WNT7B: variants seen among roughly 807,000 people sequenced by gnomAD.
WNT7B encodes protein Wnt-7b.
In WNT7B, 19 loss-of-function variants were observed where a neutral mutation model predicts 38.2. The observed-to-expected ratio is 0.50, with a 90% CI of 0.35 to 0.73. WNT7B has a LOEUF of 0.73. Ranked by LOEUF, WNT7B falls within the 30% of genes least tolerant of loss-of-function variation. The probability of loss-of-function intolerance (pLI) is 0.01; values close to 1 mark genes in which losing one functional copy is unlikely to be tolerated. For missense variants in WNT7B, 423 were observed against 507.9 expected, an observed-to-expected ratio of 0.83 and a Z score of 1.61; for synonymous variants, 243 against 209.3, an observed-to-expected ratio of 1.16 and a Z score of -1.39.
Position 45,931,007 on chromosome 22 carries a change from T to C in WNT7B, c.570+91A>G, listed in dbSNP as rs961845038. 4 of 1,448,816 alleles carry C rather than the reference T, an allele frequency of 2.8e-6. No individual in the cohort carries two copies. The African/African-American group carries it at 5.7e-5, about 21-fold the overall frequency. 89.7% of individuals were successfully genotyped at this position (1,448,816 alleles called of 1,614,324 possible). ...GCACACCTACGGAGACTCAACTGCT[T>C]CTGCTAGAAGAGGAGCCTGAGGCTC... On this transcript the variant is annotated intron_variant, in intron 3 of 3. Transcript: ENST00000339464.
chr22:45,941,846 G>A (rs1440755767), intron 2 of WNT7B, among the ~76,000 whole-genome samples: 2 of 151,924 alleles, frequency 1.3e-5, no homozygotes, highest in African/African-American at 4.8e-5. Context: ...GAGGCCTGGT[G>A]TCGTGGGTTC....
At chr22:45,931,029 G>A in intron 3 of WNT7B, 69 bp downstream of exon 3, 1 of 1,483,714 alleles carries the variant, frequency 6.7e-7, no homozygotes, top group African/African-American at 1.4e-5. Flanking sequence ...GGAGCCTGAG[G>A]CTCCGAGAGG....
At chr22:45,935,999 G>C (rs150798860) in intron 2 of WNT7B, 73 of 985,382 alleles carry the variant, frequency 7.4e-5, no homozygotes, top group Non-Finnish European at 8.6e-5. Flanking sequence ...GCACAGGTCT[G>C]TACCCCCAGA....
intron 1 of WNT7B, among the ~76,000 whole-genome samples, chr22:45,958,305 A>G (rs1029423584): frequency 7.9e-5 from 12 of 152,274 alleles, no homozygotes; most frequent in East Asian, 5.8e-4. Flanking sequence ...GTGACCTGTC[A>G]TCTTACTCTT....
chr22:45,972,218 C>T, intron 1 of WNT7B: 2 of 648,760 alleles, frequency 3.1e-6, no homozygotes, highest in African/African-American at 1.9e-5. Context: ...GAGCGCGCTG[C>T]GCGGCGACAG....
chr22:45,957,169 T>C (rs1932085981), intron 1 of WNT7B, among the ~76,000 whole-genome samples: 1 of 147,700 alleles, frequency 6.8e-6, no homozygotes, highest in South Asian at 2.1e-4. Context: ...GAAATCACAA[T>C]AGTTACCCTT....
intron 2 of WNT7B, among the ~76,000 whole-genome samples, chr22:45,947,694 T>G (rs1316326501): frequency 6.6e-6 from 1 of 152,104 alleles, no homozygotes; most frequent in Non-Finnish European, 1.5e-5. Flanking sequence ...AGGGGAAAAG[T>G]TGACACCAGG....
At chr22:45,953,720 A>AT (rs1307352040) in intron 1 of WNT7B, among the ~76,000 whole-genome samples, 2 of 105,218 alleles carry the variant, frequency 1.9e-5, no homozygotes, top group Admixed American at 9.9e-5. Flanking sequence ...GATGGCTATG[A>AT]TTTAAAAAAA....
intron 1 of WNT7B, among the ~76,000 whole-genome samples, chr22:45,963,979 C>T (rs996780495): frequency 2.0e-5 from 3 of 152,100 alleles, no homozygotes; most frequent in African/African-American, 4.8e-5. Flanking sequence ...GGGGAGCCCC[C>T]AGGCCACAAG....
intron 2 of WNT7B, among the ~76,000 whole-genome samples, chr22:45,932,068 T>G (rs1351868127): frequency 6.6e-6 from 1 of 152,142 alleles, no homozygotes; most frequent in Non-Finnish European, 1.5e-5. Flanking sequence ...TGCCTGGACT[T>G]GGGCAGCAGT....
intron 2 of WNT7B, among the ~76,000 whole-genome samples, chr22:45,937,842 T>G (rs947390982): frequency 6.6e-6 from 1 of 151,994 alleles, no homozygotes; most frequent in Non-Finnish European, 1.5e-5. Flanking sequence ...AAACCCCAGG[T>G]CTACTAAAAA....
rs370665887 is a variant in WNT7B at position 45,962,061 on chromosome 22, G to A, written c.72-11915C>T. Among the ~76,000 whole-genome samples the A allele has an allele frequency of 1.5e-3, 221 of 152,102 alleles. 1 individual carries two copies. The highest frequency in any genetic ancestry group is 5.1e-3 in the African/African-American group (212 of 41,510). On this transcript the variant is annotated intron_variant, in intron 1 of 3. Transcript: ENST00000339464. ...TTGCTCCCTCGCGCCCCCGGCGGGC[G>A]GCTGCCCTCCCACCCTCCCCACATA...
intron 3 of WNT7B, chr22:45,927,370 G>A (rs1232544661): frequency 2.1e-5 from 31 of 1,491,074 alleles, no homozygotes; most frequent in South Asian, 5.3e-5. Flanking sequence ...GGGCGGGGGC[G>A]GGCCTCCAGA....
rs376670385 is a variant in WNT7B, at chr22:45,931,411, T to C, written c.299-42A>G. ...GTGCAGAAGGTGAGACCCCAGGCCC[T>C]GGGCCAGGTGGGCTCAGGGGACAGG... On this transcript the variant is annotated intron_variant, in intron 2 of 3. Coordinates refer to ENST00000339464, the MANE Select transcript of WNT7B (RefSeq NM_058238.3). The C allele has an allele frequency of 6.0e-5, 91 of 1,529,152 alleles. No homozygotes were observed. The Middle Eastern group carries it at 7.0e-4, about 12-fold the overall frequency. The allele number at this position is 1,529,152 out of a possible 1,614,324, so 94.7% of individuals were successfully genotyped here.
chr22:45,968,345 T>C (rs966583535), intron 1 of WNT7B, among the ~76,000 whole-genome samples: 1 of 152,152 alleles, frequency 6.6e-6, no homozygotes, highest in South Asian at 2.1e-4. Flanking sequence ...GCCTGTCTCC[T>C]GCACACCGAC....
chr22:45,949,376 G>A (rs1285842359), intron 2 of WNT7B, among the ~76,000 whole-genome samples: 1 of 103,088 alleles, frequency 9.7e-6, no homozygotes, highest in Non-Finnish European at 1.8e-5. Flanking sequence ...CGTGCTCCAC[G>A]TGTCATGCTG....
At chr22:45,942,921 CGT>C (rs1472754592) in intron 2 of WNT7B, among the ~76,000 whole-genome samples, 3 of 146,102 alleles carry the variant, frequency 2.1e-5, no homozygotes, top group African/African-American at 5.1e-5. Flanking sequence ...GCAGTGTGCA[CGT>C]GTGTGCATGT....
rs934101772 is a variant in WNT7B at position 45,975,764 on chromosome 22, G to A, written c.71+920C>T. On this transcript the variant is annotated intron_variant, in intron 1 of 3. Coordinates refer to ENST00000339464, the MANE Select transcript of WNT7B (RefSeq NM_058238.3). The surrounding 1 kb of genome is among the most constrained non-coding windows in gnomAD (Gnocchi z 6.6). ...GCGCGCAGGGCGCGGCGGGGCCCGG[G>A]TCCCCGCAGGTGCGAGGAGCGCGGG... 8.1e-6 allele frequency: 3 copies of A among 368,356 alleles called. No homozygotes were observed. The highest frequency in any genetic ancestry group is 1.5e-5 in the Non-Finnish European group (3 of 206,750). The allele number at this position is 368,356 out of a possible 1,614,324, so 22.8% of individuals were successfully genotyped here.
At chr22:45,962,471 G>T (rs1932218802) in intron 1 of WNT7B, among the ~76,000 whole-genome samples, 2 of 152,164 alleles carry the variant, frequency 1.3e-5, no homozygotes, top group African/African-American at 2.4e-5. Context: ...CAGGTACCTT[G>T]CTCCCTCCAG....
Sources: gnomAD v4.1 joint callset for allele counts (sites outside exome capture counted in the v4.1 genomes callset) on GRCh38, gnomAD v4.1.1 for gene constraint, Gnocchi (gnomAD v3.1) non-coding constraint, MANE v1.5 for transcripts, NCBI Gene and HGNC (gene_info 2026-07-23, HGNC 2026-07-21) for gene names.